Variants in MPDZ observed in about 807,000 individuals in gnomAD.
MPDZ encodes multiple PDZ domain protein.
In MPDZ, 234 loss-of-function variants were observed where a neutral mutation model predicts 239.1. That is an observed-to-expected ratio of 0.98 (90% CI 0.88 to 1.09). The LOEUF (loss-of-function observed/expected upper bound fraction) is 1.09. Among genes scored for constraint, MPDZ ranks in the 50% least tolerant of loss-of-function variants. The probability of loss-of-function intolerance (pLI) is 0.00; values close to 1 mark genes in which losing one functional copy is unlikely to be tolerated. For synonymous variants in MPDZ, 1,048 were observed against 881.3 expected, an observed-to-expected ratio of 1.19 and a Z score of -3.35; for missense variants, 3,175 against 2,510.0, an observed-to-expected ratio of 1.26 and a Z score of -5.66.
chr9:13,204,426 C>T (rs146103579), intron 12 of MPDZ, among the ~76,000 whole-genome samples: 1 of 151,944 alleles, frequency 6.6e-6, no homozygotes, highest in African/African-American at 2.4e-5. Flanking sequence ...GTCTCTAATA[C>T]GAATAATAAT....
chr9:13,221,839 C>T (rs976914952), intron 6 of MPDZ, among the ~76,000 whole-genome samples: 7 of 151,916 alleles, frequency 4.6e-5, no homozygotes, highest in Non-Finnish European at 8.8e-5. Context: ...AGAATGTCTT[C>T]TGCATAATCC....
chr9:13,167,722 T>C (rs1323929056), intron 22 of MPDZ, among the ~76,000 whole-genome samples: 2 of 152,258 alleles, frequency 1.3e-5, no homozygotes, highest in East Asian at 3.9e-4. Flanking sequence ...GAGCTGATTT[T>C]TATGTTGGCT....
intron 11 of MPDZ, 108 bp from the exon 12 acceptor site, chr9:13,205,215 C>A: frequency 1.8e-6 from 1 of 547,004 alleles, no homozygotes; most frequent in South Asian, 3.5e-5. Context: ...ATCTGTTTTT[C>A]AGAGATAAAC....
intron 25 of MPDZ, among the ~76,000 whole-genome samples, chr9:13,147,868 A>G (rs1374261435): frequency 6.6e-6 from 1 of 152,064 alleles, no homozygotes; most frequent in Non-Finnish European, 1.5e-5. Context: ...TCTGTCTCCA[A>G]TAATCAGTTC....
chr9:13,241,710 A>T (rs1183466480), intron 3 of MPDZ, among the ~76,000 whole-genome samples: 2 of 152,220 alleles, frequency 1.3e-5, no homozygotes, highest in African/African-American at 4.8e-5. Context: ...TCAGTTCACA[A>T]AGTTTCTCAT....
chr9:13,233,381 G>T (rs1188384600), intron 3 of MPDZ, among the ~76,000 whole-genome samples: 19 of 152,018 alleles, frequency 1.2e-4, no homozygotes. Flanking sequence ...GAATCTCACA[G>T]ACACAAAGAC....
intron 27 of MPDZ, among the ~76,000 whole-genome samples, chr9:13,141,982 C>A (rs980972783): frequency 6.6e-6 from 1 of 152,096 alleles, no homozygotes; most frequent in Non-Finnish European, 1.5e-5. Context: ...AACACACACA[C>A]ATAAAACCCT....
At chr9:13,182,218 A>T (rs1182617770) in intron 19 of MPDZ, among the ~76,000 whole-genome samples, 6 of 152,012 alleles carry the variant, frequency 3.9e-5, no homozygotes, top group Non-Finnish European at 7.4e-5. Context: ...TTCGTATATT[A>T]AAAAAAATTG....
intron 8 of MPDZ, among the ~76,000 whole-genome samples, chr9:13,218,230 G>C (rs1958620501): frequency 6.6e-6 from 1 of 151,824 alleles, no homozygotes. Flanking sequence ...CTTAGCAAAA[G>C]TTTAAAGTTT....
chr9:13,194,708 T>A (rs1249461744), intron 13 of MPDZ, among the ~76,000 whole-genome samples: 1 of 151,600 alleles, frequency 6.6e-6, no homozygotes, highest in East Asian at 2.0e-4. Flanking sequence ...AACTTAAAAG[T>A]AAAATTTAAA....
In MPDZ at chr9:13,136,325, C is replaced by CTTTTT. The variant is rs869272418; in HGVS notation, c.4293-148_4293-144dup. ...ACACTTACAAATTTACAAACGTTTT[C>CTTTTT]TTTTTTTTTTTTTTTTTTTTTTTTG... On this transcript the variant is annotated intron_variant, in intron 30 of 46. Transcript: ENST00000319217. The CTTTTT allele has an allele frequency of 9.4e-3, 1,479 of 156,548 alleles. 206 individuals carry two copies. The highest frequency in any genetic ancestry group is 0.058 in the African/African-American group (940 of 16,122). The allele number at this position is 156,548 out of a possible 1,614,324, so 9.7% of individuals were successfully genotyped here.
intron 3 of MPDZ, 47 bp downstream of exon 3, chr9:13,247,588 G>A: frequency 6.4e-7 from 1 of 1,557,164 alleles, no homozygotes; most frequent in Non-Finnish European, 8.8e-7. Flanking sequence ...CCTTTCACAA[G>A]ATCTATGCCA....
chr9:13,274,351 C>T (rs1161467503), intron 1 of MPDZ, among the ~76,000 whole-genome samples: 2 of 150,990 alleles, frequency 1.3e-5, no homozygotes, highest in Non-Finnish European at 2.9e-5. Context: ...TTATTTATAG[C>T]ACCTTGGATC....
intron 26 of MPDZ, among the ~76,000 whole-genome samples, chr9:13,144,496 T>C (rs533280688): frequency 2.0e-5 from 3 of 152,222 alleles, no homozygotes; most frequent in African/African-American, 4.8e-5. Flanking sequence ...ATTGACTATA[T>C]CTTTCAGGGG....
At chr9:13,194,551 T>C (rs183337827) in intron 13 of MPDZ, among the ~76,000 whole-genome samples, 18 of 151,814 alleles carry the variant, frequency 1.2e-4, no homozygotes, top group Admixed American at 8.5e-4. Context: ...TGTAGGGTGG[T>C]GGGGGCAAGG....
chr9:13,121,035 A>G (rs1478495336), intron 38 of MPDZ, among the ~76,000 whole-genome samples: 1 of 152,220 alleles, frequency 6.6e-6, no homozygotes, highest in African/African-American at 2.4e-5. Context: ...ATCACTTATA[A>G]ATGAGTTTGT....
chr9:13,185,809 T>C (rs934830911), intron 18 of MPDZ, among the ~76,000 whole-genome samples: 3 of 152,070 alleles, frequency 2.0e-5, no homozygotes, highest in Non-Finnish European at 4.4e-5. Flanking sequence ...AACATGGGGT[T>C]TACCTTTCCA....
In MPDZ at chr9:13,216,631, G is replaced by A; in HGVS notation, c.1290+143C>T. The A allele has an allele frequency of 7.3e-6, 4 of 546,454 alleles. No individual in the cohort carries two copies. The South Asian group carries it at 1.2e-4, about 16-fold the overall frequency. The allele number at this position is 546,454 out of a possible 1,614,324, so 33.9% of individuals were successfully genotyped here. ...TTTACTTCCACAAAATAATAGAAAG[G>A]GTAATTGTAATAATAGCCTCAAGTC... is the stretch of plus-strand genomic sequence containing the variant. On this transcript the variant is annotated intron_variant, in intron 10 of 46. Coordinates refer to ENST00000319217, the MANE Select transcript of MPDZ (RefSeq NM_001378778.1).
intron 5 of MPDZ, 70 bp from the exon 6 acceptor site, chr9:13,222,516 T>C: frequency 8.1e-7 from 1 of 1,235,890 alleles, no homozygotes; most frequent in Admixed American, 1.8e-5. Flanking sequence ...TTCTTTGGCA[T>C]GTATGTTCAA....
Sources: gnomAD v4.1 joint callset for allele counts (sites outside exome capture counted in the v4.1 genomes callset) on GRCh38, gnomAD v4.1.1 for gene constraint, MANE v1.5 for transcripts, NCBI Gene and HGNC (gene_info 2026-07-23, HGNC 2026-07-21) for gene names.